LARP4B: variants seen among roughly 807,000 people sequenced by gnomAD.
LARP4B encodes the protein La ribonucleoprotein 4B, also known as la-related protein 4B.
Under a neutral mutation model 89.8 loss-of-function variants are expected in LARP4B, and 12 were observed. The observed-to-expected ratio is 0.13, with a 90% CI of 0.09 to 0.22. LARP4B has a LOEUF of 0.22. Among genes scored for constraint, LARP4B ranks in the 10% least tolerant of loss-of-function variants. LARP4B has a pLI of 1.00. For synonymous variants in LARP4B, 367 were observed against 363.3 expected (o/e 1.01, Z -0.12); for missense variants, 757 against 947.7 (o/e 0.80, Z 2.64).
upstream of LARP4B, chr10:931,800 G>T (rs1340396034): frequency 1.3e-5 from 2 of 151,218 alleles, no homozygotes; most frequent in Non-Finnish European, 3.0e-5. Flanking sequence ...GCGGACTGGC[G>T]CTCAGCCCCG....
chr10:965,491 C>T, the LARP4B span, among the ~76,000 whole-genome samples: 3 of 152,212 alleles, frequency 2.0e-5, no homozygotes, highest in East Asian at 5.8e-4. Flanking sequence ...AAGCAGCTTA[C>T]AGTCTGGTCG....
At chr10:942,918 T>C in the LARP4B span, among the ~76,000 whole-genome samples, 1 of 150,932 alleles carries the variant, frequency 6.6e-6, no homozygotes, top group Admixed American at 6.6e-5. Flanking sequence ...ACTCCAGCTT[T>C]CAGATGATCA....
At chr10:900,754 G>A (rs1836319245) in intron 1 of LARP4B, among the ~76,000 whole-genome samples, 1 of 150,014 alleles carries the variant, frequency 6.7e-6, no homozygotes, top group Non-Finnish European at 1.5e-5. Context: ...CGAGTAGCTG[G>A]GACTACAGGT....
At chr10:968,138 CTTCT>C in the LARP4B span, among the ~76,000 whole-genome samples, 1 of 152,152 alleles carries the variant, frequency 6.6e-6, no homozygotes, top group Non-Finnish European at 1.5e-5. Flanking sequence ...ACTAAGATTC[CTTCT>C]GTCTCCAAGA....
intron 14 of LARP4B, 177 bp downstream of exon 14, chr10:820,623 C>T: frequency 3.3e-6 from 2 of 605,934 alleles, no homozygotes; most frequent in South Asian, 2.0e-5. Context: ...AAAACCTCTA[C>T]AGTTGCTTCC....
At chr10:820,029 C>T (rs1041670222) in intron 14 of LARP4B, 2 of 152,172 alleles carry the variant, frequency 1.3e-5, no homozygotes, top group Non-Finnish European at 2.9e-5. Flanking sequence ...ACCGTGCCAT[C>T]CCTCCCATCT....
chr10:854,901 T>A (rs1834226796), intron 5 of LARP4B, among the ~76,000 whole-genome samples: 2 of 152,216 alleles, frequency 1.3e-5, no homozygotes, highest in Admixed American at 6.5e-5. Flanking sequence ...CGATTGAAAA[T>A]CTGTCATTTA....
chr10:885,792 T>C, intron 1 of LARP4B, 32 bp from the exon 2 acceptor site: 1 of 1,068,810 alleles, frequency 9.4e-7, no homozygotes, highest in Non-Finnish European at 1.4e-6. Context: ...AAACAGGTCA[T>C]TTGAAGGGCA....
chr10:861,570 T>C (rs1188402909), intron 5 of LARP4B, among the ~76,000 whole-genome samples: 2 of 152,240 alleles, frequency 1.3e-5, no homozygotes, highest in Non-Finnish European at 2.9e-5. Flanking sequence ...TTCCAGAATA[T>C]ACTTTAACAT....
chr10:978,739 T>C, the LARP4B span, among the ~76,000 whole-genome samples: 1 of 152,244 alleles, frequency 6.6e-6, no homozygotes, highest in Non-Finnish European at 1.5e-5. Flanking sequence ...TTGTTTTTTA[T>C]GCACTTTATT....
chr10:910,828 C>T (rs1836646407), intron 1 of LARP4B, among the ~76,000 whole-genome samples: 1 of 152,216 alleles, frequency 6.6e-6, no homozygotes, highest in Non-Finnish European at 1.5e-5. Flanking sequence ...TTGTGACCAA[C>T]TCCTGTTAGT....
At chr10:818,494 T>C (rs1832177799) in intron 14 of LARP4B, 1 of 152,236 alleles carries the variant, frequency 6.6e-6, no homozygotes, top group Non-Finnish European at 1.5e-5. Context: ...ACACAGGATT[T>C]GACAACAAAT....
upstream of LARP4B, among the ~76,000 whole-genome samples, chr10:932,791 A>G (rs1480955746): frequency 6.7e-6 from 1 of 150,352 alleles, no homozygotes; most frequent in Non-Finnish European, 1.5e-5. Context: ...CCCGGGACCA[A>G]GGCCCCGGCA....
At chr10:987,244 T>C in the LARP4B span, 1 of 152,264 alleles carries the variant, frequency 6.6e-6, no homozygotes, top group African/African-American at 2.4e-5. Flanking sequence ...GGAGGTATGC[T>C]TATCCGCCTT....
chr10:980,353 C>CA, the LARP4B span, among the ~76,000 whole-genome samples: 1 of 152,238 alleles, frequency 6.6e-6, no homozygotes, highest in Admixed American at 6.5e-5. Flanking sequence ...GGCAGTGCCC[C>CA]AGTGGGGACT....
chr10:823,656 G>A (rs892442912), intron 13 of LARP4B, among the ~76,000 whole-genome samples: 2 of 151,642 alleles, frequency 1.3e-5, no homozygotes, highest in African/African-American at 2.4e-5. Flanking sequence ...GCCCCTCAGA[G>A]GGAGCCACAT....
chr10:821,282 G>A (rs987000414), intron 13 of LARP4B, among the ~76,000 whole-genome samples: 10 of 152,156 alleles, frequency 6.6e-5, no homozygotes, highest in African/African-American at 1.2e-4. Context: ...CAAATACCGC[G>A]TCCCATCCCT....
At chr10:871,899 C>T (rs894228759) in intron 3 of LARP4B, among the ~76,000 whole-genome samples, 3 of 152,232 alleles carry the variant, frequency 2.0e-5, no homozygotes, top group East Asian at 1.9e-4. Flanking sequence ...AAACTCTGGT[C>T]GACAACAACT....
chr10:813,682 T>C (rs569010224), intron 17 of LARP4B, among the ~76,000 whole-genome samples: 1 of 152,190 alleles, frequency 6.6e-6, no homozygotes, highest in Non-Finnish European at 1.5e-5. Flanking sequence ...TACAAAGGAC[T>C]GGAAATATCT....
Sources: gnomAD v4.1 joint callset for allele counts (sites outside exome capture counted in the v4.1 genomes callset) on GRCh38, gnomAD v4.1.1 for gene constraint, MANE v1.5 for transcripts, NCBI Gene and HGNC (gene_info 2026-07-23, HGNC 2026-07-21) for gene names.